The following LARP4B variants were observed in gnomAD, a reference collection of about 807,000 sequenced individuals.
LARP4B encodes the protein la-related protein 4B.
LARP4B carries 12 observed loss-of-function variants against 89.8 expected under a neutral mutation model. That is an observed-to-expected ratio of 0.13 (90% CI 0.09 to 0.22). LARP4B has a LOEUF of 0.22. LARP4B is among the 10% of genes least tolerant of loss of function. The pLI is 1.00. For missense variants in LARP4B, 757 were observed against 947.7 expected (o/e 0.80, Z 2.64); for synonymous variants, 367 against 363.3 (o/e 1.01, Z -0.12).
At chr10:904,919 G>A (rs2131998639) in intron 1 of LARP4B, among the ~76,000 whole-genome samples, 1 of 152,330 alleles carries the variant, frequency 6.6e-6, no homozygotes, top group South Asian at 2.1e-4. Flanking sequence ...ATGGGTGGCT[G>A]GGATGGTGAC....
At chr10:925,085 A>C (rs931015060) in intron 1 of LARP4B, among the ~76,000 whole-genome samples, 3 of 152,256 alleles carry the variant, frequency 2.0e-5, no homozygotes, top group Non-Finnish European at 4.4e-5. Flanking sequence ...GGAGACAAGG[A>C]GAGTGCAGGG....
chr10:821,291 C>T (rs1832339656), intron 13 of LARP4B, among the ~76,000 whole-genome samples: 2 of 152,222 alleles, frequency 1.3e-5, no homozygotes, highest in Non-Finnish European at 2.9e-5. Flanking sequence ...CGTCCCATCC[C>T]TTCCTCTGCC....
the LARP4B span, among the ~76,000 whole-genome samples, chr10:948,268 TAC>T: frequency 6.6e-6 from 1 of 152,230 alleles, no homozygotes; most frequent in African/African-American, 2.4e-5. Flanking sequence ...TAAGGAATAA[TAC>T]AGAGAGGTCT....
In LARP4B at chr10:812,946, G is replaced by A; in HGVS notation, c.2197C>T (p.Pro733Ser). 1 of 1,550,500 alleles carries A rather than the reference G, an allele frequency of 6.4e-7. No individual in the cohort carries two copies. Among genetic ancestry groups the A allele is most frequent in the Non-Finnish European group, 8.6e-7 (1 of 1,157,356 alleles). ...GKRLSREQST[P>S]PKSPQ ...GGTTTTCACTGAGGAGACTTGGGGG[G>A]AGTGCTCTGCTCTCGGCTGAGACGC... Residue 733 changes from proline (P) to serine (S), a missense_variant, in exon 18 of 18, where the codon CCC becomes TCC. By Grantham distance (74) the Pro-to-Ser change is moderately conservative (BLOSUM62 -1). Around this residue, in one of 5 missense-constraint regions of LARP4B, gnomAD observed 387 missense variants for 423.6 expected, o/e 0.91. Transcript: ENST00000316157.
Position 909,628 on chromosome 10 carries a change from T to C in LARP4B, c.-40+21800A>G, listed in dbSNP as rs1836612859. ...GGTGAAACCTCGTCTCTACTAAAAG[T>C]ACAAAAATTTGGCAGGCATGGTGGC... On this transcript the variant is annotated intron_variant, in intron 1 of 17. Transcript: ENST00000316157. 2.0e-5 allele frequency among the ~76,000 whole-genome samples: 3 copies of C among 150,922 alleles called. No individual in the cohort carries two copies. In the South Asian group the frequency reaches 6.3e-4, roughly 32 times the overall value.
downstream of LARP4B, chr10:808,117 G>A (rs777487839): frequency 1.3e-5 from 2 of 152,222 alleles, no homozygotes; most frequent in East Asian, 1.9e-4. Flanking sequence ...TGAGGAGACC[G>A]AGCCCTGGCT....
intron 1 of LARP4B, among the ~76,000 whole-genome samples, chr10:912,934 A>G (rs1836710749): frequency 6.6e-6 from 1 of 152,146 alleles, no homozygotes; most frequent in African/African-American, 2.4e-5. Flanking sequence ...AAAGAAACTG[A>G]CATCTGTAAG....
intron 5 of LARP4B, among the ~76,000 whole-genome samples, chr10:855,386 C>A (rs1834251136): frequency 6.6e-6 from 1 of 152,118 alleles, no homozygotes; most frequent in Admixed American, 6.6e-5. Flanking sequence ...AAGTAAAACT[C>A]TTCCTTTCAC....
chr10:943,959 A>G, the LARP4B span, among the ~76,000 whole-genome samples: 1 of 152,108 alleles, frequency 6.6e-6, no homozygotes, highest in Admixed American at 6.5e-5. Flanking sequence ...ACAGCCCTAC[A>G]GGGCTGCAGA....
chr10:887,370 T>C (rs919937145), intron 1 of LARP4B, among the ~76,000 whole-genome samples: 1 of 151,428 alleles, frequency 6.6e-6, no homozygotes, highest in African/African-American at 2.4e-5. Flanking sequence ...CATTTCACTA[T>C]GTATATCAAA....
chr10:834,212 A>G (rs1833078461), intron 8 of LARP4B, among the ~76,000 whole-genome samples: 1 of 152,224 alleles, frequency 6.6e-6, no homozygotes, highest in Non-Finnish European at 1.5e-5. Flanking sequence ...CTAATGCCCT[A>G]TGTTGTTGTC....
rs1231801476 is a variant in LARP4B, at chr10:812,845, G to T, written c.*81C>A. ...CAGACACTGCAAGCTCCTAACCAGC[G>T]GCTCGCCCTCGCACTGAGTGGGAGA... On this transcript the variant is annotated 3_prime_UTR_variant, in exon 18 of 18. Coordinates refer to ENST00000316157, the MANE Select transcript of LARP4B (RefSeq NM_015155.3). 5 of 1,291,558 alleles carry T rather than the reference G, an allele frequency of 3.9e-6. No individual in the cohort carries two copies. In the African/African-American group the frequency reaches 6.1e-5, roughly 16 times the overall value. The allele number at this position is 1,291,558 out of a possible 1,614,324, so 80.0% of individuals were successfully genotyped here.
At chr10:962,014 C>T in the LARP4B span, among the ~76,000 whole-genome samples, 5 of 152,142 alleles carry the variant, frequency 3.3e-5, no homozygotes, top group East Asian at 1.9e-4. Flanking sequence ...AATCCTAGGC[C>T]GGACATGGTG....
At chr10:841,867 A>G (rs1177879407) in intron 7 of LARP4B, among the ~76,000 whole-genome samples, 2 of 152,260 alleles carry the variant, frequency 1.3e-5, no homozygotes, top group Non-Finnish European at 2.9e-5. Flanking sequence ...GTCTAAAAAC[A>G]GAAAAACATA....
At chr10:934,862 T>C (rs1830727143), upstream of LARP4B, among the ~76,000 whole-genome samples, 2 of 152,220 alleles carry the variant, frequency 1.3e-5, no homozygotes, top group Non-Finnish European at 2.9e-5. Flanking sequence ...ACTGCTCACC[T>C]GGTTTGATTC....
chr10:825,369 C>G, intron 12 of LARP4B, 53 bp from the exon 13 acceptor site: 1 of 1,534,102 alleles, frequency 6.5e-7, no homozygotes, highest in Non-Finnish European at 8.9e-7. Context: ...CAAGGCATTA[C>G]ATAACATGCA....
At chr10:859,855 G>T (rs1186530632) in intron 5 of LARP4B, among the ~76,000 whole-genome samples, 1 of 151,840 alleles carries the variant, frequency 6.6e-6, no homozygotes, top group Non-Finnish European at 1.5e-5. Context: ...AAAAACCAAT[G>T]GATGCTAGGG....
chr10:906,081 C>T (rs1028459105), intron 1 of LARP4B, among the ~76,000 whole-genome samples: 2 of 152,214 alleles, frequency 1.3e-5, no homozygotes, highest in Non-Finnish European at 2.9e-5. Context: ...TTCATTCACA[C>T]GGGCCTTTTT....
chr10:851,308 C>G (rs970261004), intron 5 of LARP4B, among the ~76,000 whole-genome samples: 2 of 151,768 alleles, frequency 1.3e-5, no homozygotes. Context: ...CTCAGCCTCC[C>G]GAGGAGCTGG....
Sources: allele counts gnomAD v4.1 joint callset (sites outside exome capture counted in the v4.1 genomes callset), GRCh38; gene constraint gnomAD v4.1.1; regional missense constraint gnomAD v4.1.1; transcripts MANE v1.5; gene names NCBI Gene and HGNC (gene_info 2026-07-23, HGNC 2026-07-21).